Variants in PCCA observed in about 807,000 individuals in gnomAD.
The protein encoded by PCCA is propionyl-CoA carboxylase subunit alpha, also known as propionyl-CoA carboxylase alpha chain, mitochondrial.
Under a neutral mutation model 101.3 loss-of-function variants are expected in PCCA, and 74 were observed. That is an observed-to-expected ratio of 0.73 (90% CI 0.61 to 0.89). The LOEUF (loss-of-function observed/expected upper bound fraction) is 0.89. Among genes scored for constraint, PCCA ranks in the 40% least tolerant of loss-of-function variants. The pLI is 0.00. For synonymous variants in PCCA, 294 were observed against 313.6 expected (o/e 0.94, Z 0.66); for missense variants, 891 against 907.0 (o/e 0.98, Z 0.23).
intron 19 of PCCA, among the ~76,000 whole-genome samples, chr13:100,400,524 C>T (rs2077274661): frequency 1.3e-5 from 2 of 149,498 alleles, no homozygotes; most frequent in African/African-American, 5.0e-5. Context: ...TGGGGTGGGT[C>T]TTTGTGTCTA....
chr13:100,330,577 T>C lies in PCCA; in HGVS notation c.1446T>C (p.Ile482=), dbSNP rs759100789. 3.1e-6 allele frequency: 5 copies of C among 1,603,960 alleles called. No individual in the cohort carries two copies. In the South Asian group the frequency reaches 5.5e-5, roughly 18 times the overall value. The stretch of plus-strand genomic sequence containing the variant: ...TACTTTTAGGTGTTACACATAATAT[T>C]GCATTACTTCGAGAGGTGATAATCA... ...NYVIRGVTHN[I]ALLREVIINS... The change falls in exon 17 of 24, where the codon ATT becomes ATC. Residue 482 remains isoleucine (I), a synonymous_variant. Coordinates refer to ENST00000376285, the MANE Select transcript of PCCA (RefSeq NM_000282.4).
chr13:100,496,977 C>T (rs528018730), intron 21 of PCCA, among the ~76,000 whole-genome samples: 1 of 152,266 alleles, frequency 6.6e-6, no homozygotes, highest in South Asian at 2.1e-4. Flanking sequence ...GAAGATGTCA[C>T]GGAATCCCAG....
chr13:100,473,488 CAG>C (rs1204319889), intron 21 of PCCA, among the ~76,000 whole-genome samples: 1 of 152,204 alleles, frequency 6.6e-6, no homozygotes, highest in African/African-American at 2.4e-5. Flanking sequence ...GTATAGCTCT[CAG>C]AAATTCCTAA....
chr13:100,332,973 T>G (rs2152739279), intron 17 of PCCA, among the ~76,000 whole-genome samples: 1 of 152,330 alleles, frequency 6.6e-6, no homozygotes, highest in East Asian at 1.9e-4. Context: ...AACTCCTATT[T>G]GAGTAGTCTT....
At chr13:100,245,891 G>A (rs1481679090) in intron 8 of PCCA, among the ~76,000 whole-genome samples, 1 of 152,182 alleles carries the variant, frequency 6.6e-6, no homozygotes, top group Non-Finnish European at 1.5e-5. Context: ...CTTATTGGGG[G>A]AAATAATTTT....
chr13:100,414,835 G>C (rs1379510166), intron 19 of PCCA, among the ~76,000 whole-genome samples: 1 of 152,054 alleles, frequency 6.6e-6, no homozygotes. Context: ...TAAATGATAA[G>C]AACTAAAAAG....
intron 18 of PCCA, among the ~76,000 whole-genome samples, chr13:100,349,815 T>G (rs192162929): frequency 3.3e-4 from 50 of 152,350 alleles, no homozygotes; most frequent in African/African-American, 1.1e-3. Context: ...TCAGTTTAAC[T>G]CTTTCAGCCA....
chr13:100,157,161 A>G, intron 5 of PCCA, 126 bp from the exon 6 acceptor site: 2 of 656,638 alleles, frequency 3.0e-6, no homozygotes, highest in South Asian at 3.7e-5. Flanking sequence ...TCAGTGTATA[A>G]GAGAAGTGTA....
intron 8 of PCCA, among the ~76,000 whole-genome samples, chr13:100,240,350 T>C (rs986341982): frequency 5.9e-5 from 9 of 151,808 alleles, no homozygotes; most frequent in African/African-American, 1.9e-4. Flanking sequence ...ACACAGCAAA[T>C]TTCAGGGCCT....
intron 12 of PCCA, among the ~76,000 whole-genome samples, chr13:100,298,456 A>G (rs564389979): frequency 1.3e-5 from 2 of 152,280 alleles, no homozygotes; most frequent in South Asian, 2.1e-4. Flanking sequence ...AAACAGATGC[A>G]TATTAGCATC....
chr13:100,481,450 C>T (rs1420054598), intron 21 of PCCA, among the ~76,000 whole-genome samples: 2 of 152,124 alleles, frequency 1.3e-5, no homozygotes, highest in South Asian at 4.2e-4. Context: ...CCCAGCTACT[C>T]GGCAGGCTGA....
intron 10 of PCCA, among the ~76,000 whole-genome samples, chr13:100,264,983 A>G (rs1314210262): frequency 6.6e-6 from 1 of 152,224 alleles, no homozygotes; most frequent in Non-Finnish European, 1.5e-5. Context: ...TGAATGGCTT[A>G]TTTTGTGAAG....
At chr13:100,324,264 T>A (rs2152722475) in intron 16 of PCCA, among the ~76,000 whole-genome samples, 1 of 152,322 alleles carries the variant, frequency 6.6e-6, no homozygotes, top group South Asian at 2.1e-4. Flanking sequence ...ACTTCATTCT[T>A]CACAAAACCT....
At chr13:100,494,256 T>C (rs1566453550) in intron 21 of PCCA, among the ~76,000 whole-genome samples, 1 of 152,204 alleles carries the variant, frequency 6.6e-6, no homozygotes, top group Non-Finnish European at 1.5e-5. Flanking sequence ...TAAGCCATTG[T>C]TTGTTTAATG....
chr13:100,268,726 A>T lies in PCCA; in HGVS notation c.857A>T (p.Asn286Ile). 2.5e-6 allele frequency: 4 copies of T among 1,614,142 alleles called. No individual in the cohort carries two copies. Among genetic ancestry groups the T allele is most frequent in the Non-Finnish European group, 2.5e-6 (3 of 1,179,960 alleles). The change falls in exon 11 of 24, where the codon AAT (asparagine) becomes ATT (isoleucine). Residue 286 changes from asparagine (N) to isoleucine (I), a missense_variant. Physicochemically the swap from Asn to Ile is moderately radical, Grantham distance 149 (BLOSUM62 -3). Transcript: ENST00000376285. ...AAACATGGGAATGCTTTATGGCTTA[A>T]TGAAAGAGAGTGCTCAATTCAGAGA... ...GDKHGNALWL[N>I]ERECSIQRRN... is the part of the protein sequence containing the mutation.
intron 19 of PCCA, among the ~76,000 whole-genome samples, chr13:100,390,710 T>C (rs183054723): frequency 6.6e-6 from 1 of 152,270 alleles, no homozygotes; most frequent in Admixed American, 6.5e-5. Context: ...TAAGAAGTCA[T>C]GTTAAAACAA....
intron 15 of PCCA, among the ~76,000 whole-genome samples, chr13:100,309,194 A>C (rs1230377637): frequency 6.6e-6 from 1 of 152,172 alleles, no homozygotes; most frequent in Non-Finnish European, 1.5e-5. Context: ...CAGGAGTGTG[A>C]GACCAGCCAG....
At chr13:100,528,580 A>G (rs958814590) in intron 23 of PCCA, among the ~76,000 whole-genome samples, 2 of 152,354 alleles carry the variant, frequency 1.3e-5, no homozygotes, top group East Asian at 1.9e-4. Flanking sequence ...ATGGATTCTC[A>G]GAGAAGGGGC....
At chr13:100,395,065 T>G (rs1230898219) in intron 19 of PCCA, among the ~76,000 whole-genome samples, 1 of 152,218 alleles carries the variant, frequency 6.6e-6, no homozygotes, top group Non-Finnish European at 1.5e-5. Context: ...ATCTAAAACT[T>G]TCTTTGCTCT....
Sources: gnomAD v4.1 joint callset for allele counts (sites outside exome capture counted in the v4.1 genomes callset) on GRCh38, gnomAD v4.1.1 for gene constraint, MANE v1.5 for transcripts, NCBI Gene and HGNC (gene_info 2026-07-23, HGNC 2026-07-21) for gene names.